The following RCAN2 variants were observed in gnomAD, a reference collection of about 807,000 sequenced individuals.
The protein encoded by RCAN2 is regulator of calcineurin 2.
A neutral mutation model predicts 23.6 loss-of-function variants in RCAN2; 9 were observed. That is an observed-to-expected ratio of 0.38 (90% confidence interval 0.23 to 0.67). The LOEUF (loss-of-function observed/expected upper bound fraction) is 0.67, where lower values mean the gene tolerates loss of function less well. RCAN2 is among the 30% of genes least tolerant of loss of function. RCAN2 has a pLI of 0.51. For missense variants in RCAN2, 273 were observed against 302.3 expected (o/e 0.90, Z 0.72); for synonymous variants, 109 against 115.7 (o/e 0.94, Z 0.37).
At chr6:46,457,107 G>C (rs2150433011) in intron 1 of RCAN2, 129 bp from the exon 2 acceptor site, 1 of 638,994 alleles carries the variant, frequency 1.6e-6, no homozygotes, top group African/African-American at 1.8e-5. Flanking sequence ...AGGGGATATT[G>C]GAAGGGAGAA....
At chr6:46,475,195 C>T (rs374664165) in intron 1 of RCAN2, among the ~76,000 whole-genome samples, 2 of 152,072 alleles carry the variant, frequency 1.3e-5, no homozygotes, top group African/African-American at 2.4e-5. Flanking sequence ...CTATTGGTTA[C>T]GGAGGGGAGA....
At chr6:46,398,470 A>T (rs1766154518) in intron 2 of RCAN2, among the ~76,000 whole-genome samples, 1 of 152,174 alleles carries the variant, frequency 6.6e-6, no homozygotes, top group Non-Finnish European at 1.5e-5. Flanking sequence ...TTTCATTAAG[A>T]TGCTAACCTT....
intron 2 of RCAN2, among the ~76,000 whole-genome samples, chr6:46,343,197 C>T (rs1408120520): frequency 6.6e-6 from 1 of 151,958 alleles, no homozygotes; most frequent in African/African-American, 2.4e-5. Flanking sequence ...CTATTGACTT[C>T]TTATGGGAAA....
At chr6:46,228,766 C>T (rs1437078982) in intron 4 of RCAN2, among the ~76,000 whole-genome samples, 3 of 152,056 alleles carry the variant, frequency 2.0e-5, no homozygotes, top group Non-Finnish European at 4.4e-5. Context: ...GAGCATTTAG[C>T]CCATTTACAT....
intron 2 of RCAN2, among the ~76,000 whole-genome samples, chr6:46,409,734 G>A (rs541421927): frequency 5.9e-5 from 9 of 152,110 alleles, no homozygotes; most frequent in Non-Finnish European, 8.8e-5. Context: ...GTACATAAAC[G>A]TTCATAAAAT....
chr6:46,243,682 C>T (rs949129284), intron 4 of RCAN2, among the ~76,000 whole-genome samples: 7 of 151,794 alleles, frequency 4.6e-5, no homozygotes, highest in African/African-American at 9.7e-5. Flanking sequence ...TGGTGGCATG[C>T]GCCTGTAGTC....
intron 2 of RCAN2, among the ~76,000 whole-genome samples, chr6:46,412,440 T>C (rs1310316681): frequency 1.3e-5 from 2 of 152,142 alleles, no homozygotes; most frequent in African/African-American, 2.4e-5. Context: ...GGCATTGAGA[T>C]GGCATTCATA....
intron 2 of RCAN2, among the ~76,000 whole-genome samples, chr6:46,301,060 T>C (rs187905980): frequency 9.2e-5 from 14 of 152,044 alleles, no homozygotes; most frequent in African/African-American, 3.1e-4. Flanking sequence ...TGTCCCACCA[T>C]GAAAATCTGG....
At chr6:46,463,011 G>A (rs1443314817) in intron 1 of RCAN2, among the ~76,000 whole-genome samples, 1 of 152,152 alleles carries the variant, frequency 6.6e-6, no homozygotes, top group Non-Finnish European at 1.5e-5. Flanking sequence ...CAGAAAGATG[G>A]TAAACATTCA....
chr6:46,408,869 C>T (rs1220448120), intron 2 of RCAN2, among the ~76,000 whole-genome samples: 1 of 152,188 alleles, frequency 6.6e-6, no homozygotes, highest in Admixed American at 6.5e-5. Flanking sequence ...ATCCTGTTTA[C>T]TCCTACACAT....
At chr6:46,385,110 A>G (rs1017865911) in intron 2 of RCAN2, among the ~76,000 whole-genome samples, 2 of 152,230 alleles carry the variant, frequency 1.3e-5, no homozygotes, top group African/African-American at 4.8e-5. Context: ...CTAAAATCAT[A>G]AAAGGAACCT....
intron 2 of RCAN2, among the ~76,000 whole-genome samples, chr6:46,371,319 A>C (rs964307062): frequency 6.6e-5 from 10 of 152,216 alleles, no homozygotes; most frequent in African/African-American, 2.4e-4. Flanking sequence ...ATTACATAAG[A>C]TTTTAAGTCA....
intron 2 of RCAN2, among the ~76,000 whole-genome samples, chr6:46,282,477 AAAACAAACAAAC>A (rs147302163): frequency 5.3e-5 from 8 of 150,672 alleles, no homozygotes; most frequent in South Asian, 2.1e-4. Context: ...ACTCTGTCTC[AAAACAAACAAAC>A]AAACAAACAA....
At chr6:46,426,946 C>T (rs961142885) in intron 2 of RCAN2, among the ~76,000 whole-genome samples, 7 of 152,124 alleles carry the variant, frequency 4.6e-5, no homozygotes, top group African/African-American at 1.7e-4. Flanking sequence ...CTTTTACTAA[C>T]TTATTAAATA....
intron 1 of RCAN2, among the ~76,000 whole-genome samples, chr6:46,482,464 G>A (rs1413810559): frequency 6.6e-6 from 1 of 152,124 alleles, no homozygotes; most frequent in African/African-American, 2.4e-5. Flanking sequence ...TTTGGAAATG[G>A]GGCAGGAGTG....
At chr6:46,331,885 A>G (rs1305312577) in intron 2 of RCAN2, among the ~76,000 whole-genome samples, 3 of 152,196 alleles carry the variant, frequency 2.0e-5, no homozygotes, top group African/African-American at 7.2e-5. Context: ...CTTTCACACC[A>G]GATATCTTCG....
chr6:46,458,953 G>A (rs573024307), intron 1 of RCAN2, among the ~76,000 whole-genome samples: 14 of 152,350 alleles, frequency 9.2e-5, no homozygotes, highest in South Asian at 8.3e-4. Context: ...GCGCAATGGC[G>A]CAATCTTGGC....
intron 2 of RCAN2, among the ~76,000 whole-genome samples, chr6:46,285,880 C>T (rs1190429517): frequency 6.6e-6 from 1 of 152,086 alleles, no homozygotes; most frequent in East Asian, 1.9e-4. Flanking sequence ...TCTGGTTATG[C>T]CATTTACACA....
At chr6:46,374,040 C>T (rs1191457137) in intron 2 of RCAN2, among the ~76,000 whole-genome samples, 6 of 152,192 alleles carry the variant, frequency 3.9e-5, no homozygotes, top group Admixed American at 3.3e-4. Context: ...TACTTAATTG[C>T]TTGTTTCCCC....
Sources: gnomAD v4.1 joint callset for allele counts (sites outside exome capture counted in the v4.1 genomes callset) on GRCh38, gnomAD v4.1.1 for gene constraint, MANE v1.5 for transcripts, NCBI Gene and HGNC (gene_info 2026-07-23, HGNC 2026-07-21) for gene names.